ZEB1: variants seen among roughly 807,000 people sequenced by gnomAD.
The protein encoded by ZEB1 is zinc finger E-box binding homeobox 1.
ZEB1 carries 21 observed loss-of-function variants against 84.9 expected under a neutral mutation model. That is an observed-to-expected ratio of 0.25 (90% CI 0.18 to 0.36). ZEB1 has a LOEUF of 0.36. ZEB1 is among the 10% of genes least tolerant of loss of function. ZEB1 has a pLI of 1.00. For missense variants in ZEB1, 1,104 were observed against 1,330.2 expected (o/e 0.83, Z 2.65); for synonymous variants, 420 against 471.1 (o/e 0.89, Z 1.41).
intron 5 of ZEB1, among the ~76,000 whole-genome samples, chr10:31,513,398 A>T (rs2070457824): frequency 6.6e-6 from 1 of 151,418 alleles, no homozygotes; most frequent in Admixed American, 6.8e-5. Context: ...GTTTGGTGTT[A>T]ATCATGTTAA....
At chr10:31,376,719 T>C (rs2046686461) in intron 1 of ZEB1, among the ~76,000 whole-genome samples, 1 of 151,616 alleles carries the variant, frequency 6.6e-6, no homozygotes, top group South Asian at 2.1e-4. Flanking sequence ...ATAATAAGAG[T>C]ATATATCTTG....
intron 2 of ZEB1, among the ~76,000 whole-genome samples, chr10:31,468,852 C>T (rs2062784645): frequency 6.6e-6 from 1 of 152,130 alleles, no homozygotes; most frequent in Non-Finnish European, 1.5e-5. Context: ...AGCACAAGAG[C>T]TCCAACACCA....
chr10:31,335,934 T>TAAA (rs2037929956), intron 1 of ZEB1, among the ~76,000 whole-genome samples: 2 of 152,312 alleles, frequency 1.3e-5, no homozygotes, highest in Admixed American at 6.5e-5. Flanking sequence ...TTTCAGACTT[T>TAAA]TTGCTGGCAT....
intron 3 of ZEB1, among the ~76,000 whole-genome samples, chr10:31,498,486 A>G (rs1390852229): frequency 6.6e-6 from 1 of 152,134 alleles, no homozygotes; most frequent in Non-Finnish European, 1.5e-5. Context: ...GCTAACAATT[A>G]CATAGTACTT....
chr10:31,321,158 G>A, intron 1 of ZEB1: 4 of 1,059,690 alleles, frequency 3.8e-6, no homozygotes, highest in South Asian at 3.2e-5. Flanking sequence ...TCTGGGATGC[G>A]AAACGCGAGG....
At chr10:31,420,953 C>G (rs2056063428) in intron 1 of ZEB1, among the ~76,000 whole-genome samples, 1 of 152,150 alleles carries the variant, frequency 6.6e-6, no homozygotes, top group Non-Finnish European at 1.5e-5. Context: ...TGACCCTGTA[C>G]CTCTTATTTT....
chr10:31,426,823 T>C (rs1455713777), intron 1 of ZEB1, among the ~76,000 whole-genome samples: 1 of 152,206 alleles, frequency 6.6e-6, no homozygotes, highest in Non-Finnish European at 1.5e-5. Context: ...TCCATAGTCA[T>C]GCTTTGGATG....
At chr10:31,410,579 G>A (rs1363264434) in intron 1 of ZEB1, among the ~76,000 whole-genome samples, 1 of 152,292 alleles carries the variant, frequency 6.6e-6, no homozygotes, top group East Asian at 1.9e-4. Context: ...AGAAGGAATG[G>A]TAGCAGCTCC....
intron 1 of ZEB1, among the ~76,000 whole-genome samples, chr10:31,394,845 T>C (rs1488333448): frequency 6.6e-6 from 1 of 152,152 alleles, no homozygotes; most frequent in East Asian, 1.9e-4. Flanking sequence ...AGGAAAGAGA[T>C]ACTGGGGCTT....
At chr10:31,522,064 G>C (rs2072535895) in intron 7 of ZEB1, 128 bp downstream of exon 7, 1 of 1,406,198 alleles carries the variant, frequency 7.1e-7, no homozygotes, top group Non-Finnish European at 9.7e-7. Context: ...TTTTTAAAAG[G>C]ATCAATGTTT....
chr10:31,462,907 G>C (rs982914981), intron 2 of ZEB1, among the ~76,000 whole-genome samples: 1 of 152,064 alleles, frequency 6.6e-6, no homozygotes, highest in South Asian at 2.1e-4. Context: ...ATAGAAGGGA[G>C]ATAATTGAAA....
chr10:31,333,877 C>A (rs1302772568), intron 1 of ZEB1, among the ~76,000 whole-genome samples: 1 of 152,096 alleles, frequency 6.6e-6, no homozygotes, highest in East Asian at 1.9e-4. Flanking sequence ...ATATTCCTGA[C>A]ACTACTAACC....
At chr10:31,329,661 C>T (rs570706267) in intron 1 of ZEB1, among the ~76,000 whole-genome samples, 8 of 152,258 alleles carry the variant, frequency 5.3e-5, no homozygotes, top group African/African-American at 1.7e-4. Context: ...AACATTTTTA[C>T]ATTTCCACCA....
intron 1 of ZEB1, among the ~76,000 whole-genome samples, chr10:31,356,887 T>C (rs1432605146): frequency 6.6e-6 from 1 of 152,172 alleles, no homozygotes. Flanking sequence ...TGTTACCCAA[T>C]ATTTCAGTTT....
chr10:31,427,799 C>T (rs1307064594), intron 1 of ZEB1, among the ~76,000 whole-genome samples: 3 of 151,032 alleles, frequency 2.0e-5, no homozygotes, highest in Non-Finnish European at 2.9e-5. Context: ...GTGGAGCTTG[C>T]AGTGAGCCGA....
At chr10:31,408,319 C>T (rs2053544011) in intron 1 of ZEB1, among the ~76,000 whole-genome samples, 1 of 150,766 alleles carries the variant, frequency 6.6e-6, no homozygotes, top group Non-Finnish European at 1.5e-5. Flanking sequence ...GCCATACTGC[C>T]CAAGGTAATT....
At chr10:31,418,674 T>C (rs1238502331) in intron 1 of ZEB1, among the ~76,000 whole-genome samples, 3 of 152,112 alleles carry the variant, frequency 2.0e-5, no homozygotes, top group African/African-American at 7.2e-5. Context: ...AGGAATTGTG[T>C]TCTAGAGTCA....
chr10:31,341,223 GTAGT>G (rs1276292795), intron 1 of ZEB1, among the ~76,000 whole-genome samples: 4 of 152,118 alleles, frequency 2.6e-5, no homozygotes, highest in African/African-American at 9.7e-5. Flanking sequence ...CATTTGGGAA[GTAGT>G]TAGCTTGATA....
chr10:31,348,609 G>T (rs952815014), intron 1 of ZEB1, among the ~76,000 whole-genome samples: 4 of 151,910 alleles, frequency 2.6e-5, no homozygotes. Flanking sequence ...ATAAAATTAT[G>T]TCAGATAGAC....
Sources: allele counts gnomAD v4.1 joint callset (sites outside exome capture counted in the v4.1 genomes callset), GRCh38; gene constraint gnomAD v4.1.1; transcripts MANE v1.5; gene names NCBI Gene and HGNC (gene_info 2026-07-23, HGNC 2026-07-21).